Variants in SLC8A3 observed in about 807,000 individuals in gnomAD.
SLC8A3 encodes the protein sodium/calcium exchanger 3.
In SLC8A3, 37 loss-of-function variants were observed where a neutral mutation model predicts 65.4. That is an observed-to-expected ratio of 0.57 (90% CI 0.44 to 0.74). The LOEUF is 0.74. Among genes scored for constraint, SLC8A3 ranks in the 30% least tolerant of loss-of-function variants. SLC8A3 has a pLI of 0.00. For missense variants in SLC8A3, 1,112 were observed against 1,172.1 expected (o/e 0.95, Z 0.75); for synonymous variants, 461 against 444.5 (o/e 1.04, Z -0.47).
chr14:70,052,242 AT>A, intron 3 of SLC8A3, 128 bp from the exon 4 acceptor site: 1 of 1,170,482 alleles, frequency 8.5e-7, no homozygotes, highest in Non-Finnish European at 1.1e-6. Flanking sequence ...GTTTATATAT[AT>A]TTTTAGTGCC....
At chr14:70,053,248 T>G (rs1003063353) in intron 3 of SLC8A3, among the ~76,000 whole-genome samples, 2 of 152,202 alleles carry the variant, frequency 1.3e-5, no homozygotes, top group Non-Finnish European at 2.9e-5. Context: ...TTCTCAAGGA[T>G]CCATGTCTTT....
intron 5 of SLC8A3, among the ~76,000 whole-genome samples, chr14:70,050,598 C>T (rs1887381609): frequency 6.6e-6 from 1 of 152,096 alleles, no homozygotes; most frequent in Non-Finnish European, 1.5e-5. Flanking sequence ...TCCTAACTCC[C>T]ACATCTCTAA....
chr14:70,146,351 A>T (rs1895927231), intron 2 of SLC8A3, among the ~76,000 whole-genome samples: 1 of 152,024 alleles, frequency 6.6e-6, no homozygotes, highest in South Asian at 2.1e-4. Flanking sequence ...CCTCCACTAC[A>T]TTTCACCTGT....
At chr14:70,186,180 C>CT (rs1390930849) in intron 1 of SLC8A3, among the ~76,000 whole-genome samples, 2 of 151,098 alleles carry the variant, frequency 1.3e-5, no homozygotes, top group African/African-American at 2.4e-5. Flanking sequence ...GCTTTTCCCC[C>CT]TTTTTTTCGT....
rs774676738 is a variant in SLC8A3 at position 70,060,886 on chromosome 14, T to C, written c.1838A>G (p.Asn613Ser). The stretch of plus-strand genomic sequence containing the variant: ...CGGTTCACCAAGGGCAATGAAGAAA[T>C]TCTCTTGCCTTTCGTATTCCTCCTC... ...VDEEEYERQE[N>S]FFIALGEPKW... Residue 613 changes from asparagine to serine, a missense_variant, in exon 3 of 7, where the codon AAT (asparagine) becomes AGT (serine). Asn to Ser is a conservative substitution (Grantham distance 46). Coordinates refer to ENST00000356921, the MANE Select transcript of SLC8A3 (RefSeq NM_182932.3). The C allele has an allele frequency of 6.5e-7, 1 of 1,531,688 alleles. No homozygotes were observed. The allele number at this position is 1,531,688 out of a possible 1,614,324, so 94.9% of individuals were successfully genotyped here. A position where few individuals can be genotyped will look rare whatever the true frequency, so the allele number is the denominator to read the frequency against.
Position 70,048,763 on chromosome 14 carries a change from T to C in SLC8A3, c.2389+4A>G. 6.2e-7 allele frequency: 1 copy of C among 1,613,204 alleles called. No homozygotes were observed. The highest frequency in any genetic ancestry group is 8.5e-7 in the Non-Finnish European group (1 of 1,179,652). On this transcript the variant is annotated splice_donor_region_variant and intron_variant, in intron 6 of 6. Transcript: ENST00000356921. ...TTGCAAATTCAAGCACCTCTCACTCTCACCTGGGACAGAGGTGCCAAATGC... is the reference window on the plus strand; with the variant it reads ...TTGCAAATTCAAGCACCTCTCACTCCCACCTGGGACAGAGGTGCCAAATGC...
intron 2 of SLC8A3, among the ~76,000 whole-genome samples, chr14:70,155,055 G>T (rs1333651987): frequency 6.6e-6 from 1 of 151,674 alleles, no homozygotes; most frequent in Non-Finnish European, 1.5e-5. Context: ...AAGTAGCTAG[G>T]ACTACAGGTG....
intron 2 of SLC8A3, among the ~76,000 whole-genome samples, chr14:70,141,603 C>T (rs986142860): frequency 6.6e-6 from 1 of 152,188 alleles, no homozygotes; most frequent in Admixed American, 6.5e-5. Context: ...ATCTGTGGAT[C>T]TCTTCAGTAG....
intron 2 of SLC8A3, among the ~76,000 whole-genome samples, chr14:70,148,622 G>C (rs113675659): frequency 1.3e-5 from 2 of 152,050 alleles, no homozygotes; most frequent in African/African-American, 2.4e-5. Context: ...AGAGCAGCAG[G>C]GTTTACAAAG....
At chr14:70,161,409 A>C (rs1279570712) in intron 2 of SLC8A3, among the ~76,000 whole-genome samples, 1 of 151,840 alleles carries the variant, frequency 6.6e-6, no homozygotes, top group Non-Finnish European at 1.5e-5. Flanking sequence ...TGTACTGCTA[A>C]GTATCCCCAT....
chr14:70,080,100 G>T, intron 2 of SLC8A3: 1 of 985,432 alleles, frequency 1.0e-6, no homozygotes, highest in African/African-American at 1.7e-5. Flanking sequence ...CTCTTTCCTT[G>T]ACCCCTTCCT....
At chr14:70,067,121 A>T (rs1185510896) in intron 2 of SLC8A3, among the ~76,000 whole-genome samples, 1 of 152,110 alleles carries the variant, frequency 6.6e-6, no homozygotes, top group South Asian at 2.1e-4. Flanking sequence ...TGGTCTTCCC[A>T]GTCCTCAAAT....
intron 2 of SLC8A3, among the ~76,000 whole-genome samples, chr14:70,131,240 A>G (rs1894811999): frequency 6.6e-6 from 1 of 152,188 alleles, no homozygotes; most frequent in Admixed American, 6.5e-5. Context: ...CAAGGGATGG[A>G]GCAAAGTGGG....
At chr14:70,128,064 A>C (rs1391189417) in intron 2 of SLC8A3, among the ~76,000 whole-genome samples, 1 of 152,022 alleles carries the variant, frequency 6.6e-6, no homozygotes, top group Non-Finnish European at 1.5e-5. Flanking sequence ...AACCTTACAA[A>C]CTTGTTCCTC....
chr14:70,103,676 G>A (rs1892676801), intron 2 of SLC8A3, among the ~76,000 whole-genome samples: 1 of 151,004 alleles, frequency 6.6e-6, no homozygotes, highest in Non-Finnish European at 1.5e-5. Flanking sequence ...GCCAATTGAG[G>A]AATTAAAATG....
At chr14:70,109,453 G>GTATATA (rs3078221) in intron 2 of SLC8A3, among the ~76,000 whole-genome samples, 60 of 146,606 alleles carry the variant, frequency 4.1e-4, no homozygotes, top group African/African-American at 1.5e-3. Context: ...GTACGTGTGT[G>GTATATA]TATATATATA....
chr14:70,111,876 G>A (rs1893327959), intron 2 of SLC8A3, among the ~76,000 whole-genome samples: 1 of 152,226 alleles, frequency 6.6e-6, no homozygotes, highest in African/African-American at 2.4e-5. Context: ...GATGAGGGGA[G>A]AGGAGGAAAG....
At chr14:70,066,695 C>T (rs1889467990) in intron 2 of SLC8A3, among the ~76,000 whole-genome samples, 1 of 152,152 alleles carries the variant, frequency 6.6e-6, no homozygotes. Context: ...CCTGTAATCC[C>T]AGCTACTTGG....
At position 70,117,490 on chromosome 14, in the gene SLC8A3, G is replaced by T. The variant is rs372072121; in HGVS notation, c.1784+49149C>A. On this transcript the variant is annotated intron_variant, in intron 2 of 6. Transcript: ENST00000356921. ...CTCCTTCATGCAAATCTTCATCTGA[G>T]AATATGATTTCTGGGAAACCTGACC... Among the ~76,000 whole-genome samples the T allele has an allele frequency of 1.3e-4, 20 of 152,326 alleles. 1 individual carries two copies. The highest frequency in any genetic ancestry group is 4.8e-4 in the African/African-American group (20 of 41,572).
Sources: gnomAD v4.1 joint callset for allele counts (sites outside exome capture counted in the v4.1 genomes callset) on GRCh38, gnomAD v4.1.1 for gene constraint, MANE v1.5 for transcripts, NCBI Gene and HGNC (gene_info 2026-07-23, HGNC 2026-07-21) for gene names.